MLLT3: variants seen among roughly 807,000 people sequenced by gnomAD.
MLLT3 encodes the protein MLLT3 super elongation complex subunit, also known as protein AF-9.
MLLT3 carries 4 observed loss-of-function variants against 53.2 expected under a neutral mutation model. The observed-to-expected ratio is 0.08, with a 90% confidence interval of 0.04 to 0.17. The LOEUF is 0.17. MLLT3 is among the 10% of genes least tolerant of loss of function. The probability of loss-of-function intolerance (pLI) is 1.00; values close to 1 mark genes in which losing one functional copy is unlikely to be tolerated. For missense variants in MLLT3, 569 were observed against 684.0 expected (o/e 0.83, Z 1.87); for synonymous variants, 283 against 230.6 (o/e 1.23, Z -2.06).
At chr9:20,468,374 A>AC (rs1476450472) in intron 2 of MLLT3, among the ~76,000 whole-genome samples, 6 of 152,206 alleles carry the variant, frequency 3.9e-5, no homozygotes, top group Admixed American at 2.0e-4. Context: ...AATGTTCCTC[A>AC]CTTGGAGTTC....
At chr9:20,592,277 T>C (rs1019750450) in intron 2 of MLLT3, among the ~76,000 whole-genome samples, 26 of 152,310 alleles carry the variant, frequency 1.7e-4, no homozygotes, top group Non-Finnish European at 2.9e-4. Context: ...GCTTACTCCT[T>C]CACTAGAGCT....
intron 2 of MLLT3, among the ~76,000 whole-genome samples, chr9:20,615,660 G>C (rs1216299908): frequency 6.6e-6 from 1 of 151,792 alleles, no homozygotes. Context: ...GTAGAGTTAG[G>C]ATCTCAGGAT....
chr9:20,358,705 T>A (rs1821236615), intron 8 of MLLT3, among the ~76,000 whole-genome samples: 1 of 152,108 alleles, frequency 6.6e-6, no homozygotes, highest in African/African-American at 2.4e-5. Context: ...TCACTATGAT[T>A]GGGAGAGATA....
intron 2 of MLLT3, among the ~76,000 whole-genome samples, chr9:20,604,644 G>A (rs1204449563): frequency 6.6e-6 from 1 of 152,040 alleles, no homozygotes; most frequent in Non-Finnish European, 1.5e-5. Flanking sequence ...AACTAATAGG[G>A]TTAAACAATT....
At chr9:20,518,669 C>T (rs1817977485) in intron 2 of MLLT3, among the ~76,000 whole-genome samples, 1 of 152,180 alleles carries the variant, frequency 6.6e-6, no homozygotes, top group Admixed American at 6.5e-5. Context: ...ATACTGATAT[C>T]ATGTACCATG....
chr9:20,576,152 C>T (rs1819647003), intron 2 of MLLT3, among the ~76,000 whole-genome samples: 2 of 152,152 alleles, frequency 1.3e-5, no homozygotes. Flanking sequence ...AAAACAACCT[C>T]CAAACTATTC....
chr9:20,508,615 A>T (rs990872798), intron 2 of MLLT3, among the ~76,000 whole-genome samples: 18 of 152,232 alleles, frequency 1.2e-4, no homozygotes, highest in Non-Finnish European at 2.2e-4. Context: ...ACTGCTTTAC[A>T]AAGTCAGACT....
At chr9:20,533,284 A>C (rs1476956368) in intron 2 of MLLT3, 2 of 327,292 alleles carry the variant, frequency 6.1e-6, no homozygotes, top group Admixed American at 2.9e-5. Flanking sequence ...ACTGTGGCTC[A>C]CATTGCCAAG....
At chr9:20,521,358 A>G (rs1262867371) in intron 2 of MLLT3, among the ~76,000 whole-genome samples, 1 of 152,192 alleles carries the variant, frequency 6.6e-6, no homozygotes, top group Non-Finnish European at 1.5e-5. Flanking sequence ...GGCATGAGCC[A>G]CTGCACCCAG....
intron 6 of MLLT3, 128 bp downstream of exon 6, chr9:20,365,541 G>A (rs1036507309): frequency 1.1e-5 from 12 of 1,067,016 alleles, no homozygotes; most frequent in African/African-American, 1.1e-4. Context: ...TACTAAACAC[G>A]GTTTCACCGT....
At chr9:20,535,595 C>G (rs771952469) in intron 2 of MLLT3, among the ~76,000 whole-genome samples, 1 of 152,126 alleles carries the variant, frequency 6.6e-6, no homozygotes, top group Non-Finnish European at 1.5e-5. Flanking sequence ...AAAATAGTTA[C>G]TGAAAGAAAA....
Position 20,448,921 on chromosome 9 carries a change from G to A in MLLT3, c.277-655C>T, listed in dbSNP as rs1393653947. ...CCCCTTCTGTCCATCTGATGGCCTA[G>A]CAACATCCCATTACTGGTTGCTTCC... is the stretch of plus-strand genomic sequence containing the variant. On this transcript the variant is annotated intron_variant, in intron 3 of 10. Coordinates refer to ENST00000380338, the MANE Select transcript of MLLT3 (RefSeq NM_004529.4). This position sits in a 1 kb window ranked among gnomAD's most constrained non-coding sequence, Gnocchi z 4.0. 6.6e-6 allele frequency among the ~76,000 whole-genome samples: 1 copy of A among 152,046 alleles called. No individual in the cohort carries two copies. The highest frequency in any genetic ancestry group is 2.4e-5 in the African/African-American group (1 of 41,396).
intron 2 of MLLT3, among the ~76,000 whole-genome samples, chr9:20,462,296 C>G (rs1824129730): frequency 6.6e-6 from 1 of 152,136 alleles, no homozygotes; most frequent in African/African-American, 2.4e-5. Flanking sequence ...AAAGTTTTCC[C>G]TCTTTTGTGT....
At chr9:20,460,676 T>C (rs548107811) in intron 2 of MLLT3, among the ~76,000 whole-genome samples, 13 of 152,202 alleles carry the variant, frequency 8.5e-5, no homozygotes, top group African/African-American at 1.2e-4. Flanking sequence ...CCAAATAATA[T>C]GTACCCAACA....
intron 4 of MLLT3, among the ~76,000 whole-genome samples, chr9:20,417,412 T>C (rs1452460991): frequency 1.3e-5 from 2 of 148,618 alleles, no homozygotes; most frequent in African/African-American, 2.4e-5. Context: ...ATATATAATA[T>C]ACATGGGGGT....
chr9:20,386,036 A>T (rs541618665), intron 5 of MLLT3, among the ~76,000 whole-genome samples: 1 of 152,284 alleles, frequency 6.6e-6, no homozygotes, highest in South Asian at 2.1e-4. Flanking sequence ...GTTGTCCCTT[A>T]GGTTGAAACT....
At chr9:20,443,615 T>G (rs529214669) in intron 4 of MLLT3, among the ~76,000 whole-genome samples, 59 of 152,212 alleles carry the variant, frequency 3.9e-4, no homozygotes, top group Non-Finnish European at 7.3e-4. Context: ...TACACTAACT[T>G]GGTGGTAAAC....
chr9:20,493,270 C>G (rs1446957890), intron 2 of MLLT3, among the ~76,000 whole-genome samples: 1 of 151,926 alleles, frequency 6.6e-6, no homozygotes, highest in Non-Finnish European at 1.5e-5. Context: ...AGCATCCTAC[C>G]TATCCTATAG....
intron 2 of MLLT3, 34 bp from the exon 3 acceptor site, chr9:20,456,820 G>A: frequency 1.4e-6 from 2 of 1,392,364 alleles, no homozygotes; most frequent in South Asian, 1.3e-5. Flanking sequence ...GGTAAGATGA[G>A]AATAATAGAC....
Sources: allele counts gnomAD v4.1 joint callset (sites outside exome capture counted in the v4.1 genomes callset), GRCh38; gene constraint gnomAD v4.1.1; non-coding constraint Gnocchi (gnomAD v3.1); transcripts MANE v1.5; gene names NCBI Gene and HGNC (gene_info 2026-07-23, HGNC 2026-07-21).